PLA2G2C: variants seen among roughly 807,000 people sequenced by gnomAD.
PLA2G2C encodes the protein phospholipase A2 group IIC.
A neutral mutation model predicts 14.3 loss-of-function variants in PLA2G2C; 15 were observed. The observed-to-expected ratio is 1.05, with a 90% CI of 0.70 to 1.62. PLA2G2C has a LOEUF of 1.62. Ranked by LOEUF, PLA2G2C falls within the 40% of genes most tolerant of loss-of-function variation. The probability of loss-of-function intolerance (pLI) is 0.00; values close to 1 mark genes in which losing one functional copy is unlikely to be tolerated. For missense variants in PLA2G2C, 162 were observed against 173.2 expected (o/e 0.94, Z 0.36); for synonymous variants, 79 against 67.7 (o/e 1.17, Z -0.82).
intron 4 of PLA2G2C, among the ~76,000 whole-genome samples, chr1:20,168,764 C>T (rs932195535): frequency 2.0e-5 from 3 of 152,222 alleles, no homozygotes; most frequent in African/African-American, 7.2e-5. Flanking sequence ...CTGTACCACA[C>T]ATGTATGTGC....
chr1:20,179,268 CTA>C, intron 1 of PLA2G2C, among the ~76,000 whole-genome samples: 1 of 151,602 alleles, frequency 6.6e-6, no homozygotes, highest in East Asian at 2.0e-4. Context: ...GCTTCTCCCT[CTA>C]TGTCAGTTTC....
intron 4 of PLA2G2C, among the ~76,000 whole-genome samples, chr1:20,169,890 T>C (rs976354788): frequency 1.3e-5 from 2 of 152,200 alleles, no homozygotes; most frequent in African/African-American, 4.8e-5. Flanking sequence ...CCCTCTTTCC[T>C]TCCCTGGGCC....
intron 3 of PLA2G2C, among the ~76,000 whole-genome samples, chr1:20,173,701 G>A (rs2018130653): frequency 1.3e-5 from 2 of 152,206 alleles, no homozygotes; most frequent in Admixed American, 6.5e-5. Flanking sequence ...TGGAGCATGG[G>A]CTCAGTCCAT....
chr1:20,172,220 A>G (rs1404166040), intron 4 of PLA2G2C, among the ~76,000 whole-genome samples: 3 of 152,020 alleles, frequency 2.0e-5, no homozygotes, highest in Non-Finnish European at 4.4e-5. Flanking sequence ...GCACATACCC[A>G]TACCCTACCA....
At chr1:20,169,867 A>G (rs2018040895) in intron 4 of PLA2G2C, among the ~76,000 whole-genome samples, 1 of 152,236 alleles carries the variant, frequency 6.6e-6, no homozygotes, top group South Asian at 2.1e-4. Context: ...ACAGCGAAGC[A>G]AACTCCATCT....
intron 1 of PLA2G2C, among the ~76,000 whole-genome samples, chr1:20,180,097 G>C (rs1180280339): frequency 6.6e-6 from 1 of 151,896 alleles, no homozygotes; most frequent in Non-Finnish European, 1.5e-5. Context: ...TCTCCCTTGT[G>C]TGTTAGCTTC....
chr1:20,172,689 CTTGGAAGCAT>C, intron 4 of PLA2G2C, 95 bp downstream of exon 4: 1 of 1,016,968 alleles, frequency 9.8e-7, no homozygotes, highest in Non-Finnish European at 1.4e-6. Flanking sequence ...CTTCCAAGCA[CTTGGAAGCAT>C]TTCATTTTCT....
At chr1:20,171,425 G>C (rs1473260502) in intron 4 of PLA2G2C, among the ~76,000 whole-genome samples, 1 of 152,198 alleles carries the variant, frequency 6.6e-6, no homozygotes, top group African/African-American at 2.4e-5. Context: ...TCCCGGTGCA[G>C]GGGTCCGAGC....
At chr1:20,179,735 AGTGTGTGTGT>A (rs3035013) in intron 1 of PLA2G2C, among the ~76,000 whole-genome samples, 9 of 111,574 alleles carry the variant, frequency 8.1e-5, no homozygotes, top group East Asian at 2.6e-4. Flanking sequence ...CCTCTATGTC[AGTGTGTGTGT>A]GTGTGTGTGT....
At position 20,175,106 on chromosome 1, in the gene PLA2G2C, A is replaced by G. The variant is rs1275169378; in HGVS notation, c.80T>C (p.Val27Ala). 2 of 1,613,674 alleles carry G rather than the reference A, an allele frequency of 1.2e-6. No individual in the cohort carries two copies. The highest frequency in any genetic ancestry group is 2.2e-5 in the East Asian group (1 of 44,868). The change falls in exon 3 of 5, where the codon GTC becomes GCC. Residue 27 changes from valine to alanine, a missense_variant. Val to Ala is a moderately conservative substitution (Grantham distance 64). Coordinates refer to ENST00000679259, the MANE Select transcript of PLA2G2C (RefSeq NM_001367969.2). ...HSSFWQFQRRVKHITGRSAFF... is the reference protein window; with the variant it reads ...HSSFWQFQRRAKHITGRSAFF... The stretch of plus-strand genomic sequence containing the variant: ...GGCACTTCGCCCCGTGATGTGTTTG[A>G]CCCTCCTCTGAAACTGCCAGAAACT...
chr1:20,166,192 T>C (rs2017976075), intron 4 of PLA2G2C, among the ~76,000 whole-genome samples: 1 of 152,228 alleles, frequency 6.6e-6, no homozygotes. Flanking sequence ...CAGAGCTGCC[T>C]GCAGTCAGTC....
rs6426616 is a variant in PLA2G2C, at chr1:20,164,025, T to C, written c.416A>G (p.Gln139Arg). 0.6 allele frequency: 966,767 copies of C among 1,612,158 alleles called. 292,653 individuals are homozygous for C. Among genetic ancestry groups the C allele is most frequent in the African/African-American group, 0.72 (54,194 of 74,966 alleles). ...YEKNFKQFSS[Q>R]PRCGRHKPWC ...GGGCTTATGTCTGCCACACCTGGGC[T>C]GGCTGGAGAACTGCTTGAAGTTTTT... The change falls in exon 5 of 5, where the codon CAG becomes CGG. Residue 139 changes from glutamine (Q) to arginine (R), a missense_variant. By Grantham distance (43) the Gln-to-Arg change is conservative (BLOSUM62 1). Coordinates refer to ENST00000679259, the MANE Select transcript of PLA2G2C (RefSeq NM_001367969.2).
chr1:20,181,110 T>A (rs1472398793), intron 1 of PLA2G2C, among the ~76,000 whole-genome samples: 1 of 152,188 alleles, frequency 6.6e-6, no homozygotes, highest in Non-Finnish European at 1.5e-5. Context: ...TTCTGAGCAC[T>A]TTACATATAT....
intron 1 of PLA2G2C, among the ~76,000 whole-genome samples, chr1:20,183,196 C>G (rs150969989): frequency 6.6e-6 from 1 of 152,234 alleles, no homozygotes; most frequent in East Asian, 1.9e-4. Context: ...GCACAACAAT[C>G]CTGTGCTTAT....
chr1:20,178,469 G>A (rs1569937040), intron 1 of PLA2G2C, among the ~76,000 whole-genome samples: 1 of 152,214 alleles, frequency 6.6e-6, no homozygotes, highest in East Asian at 1.9e-4. Flanking sequence ...TAATCAGGGT[G>A]TCTTTGCTAT....
Position 20,163,951 on chromosome 1 carries a change from A to C in PLA2G2C, c.*40T>G, listed in dbSNP as rs368778938. ...GAAGGCTTCCTGGAAGAGCAACACT[A>C]GAGCGGATGCTGGATGATGAGAGGG... On this transcript the variant is annotated 3_prime_UTR_variant, in exon 5 of 5. Transcript: ENST00000679259. 1.4e-3 allele frequency: 2,184 copies of C among 1,586,054 alleles called. 3 individuals carry two copies. Among genetic ancestry groups the C allele is most frequent in the Middle Eastern group, 1.8e-3 (11 of 5,960 alleles).
In PLA2G2C at chr1:20,172,829, C is replaced by T. The variant is rs1428731260; in HGVS notation, c.248G>A (p.Ser83Asn). 6.2e-7 allele frequency: 1 copy of T among 1,613,898 alleles called. No homozygotes were observed. ...KEFSCQPVLNSYQFHIVNGAV... is the reference protein window; with the variant it reads ...KEFSCQPVLNNYQFHIVNGAV... ...GCCATTGACGATGTGGAACTGGTAG[C>T]TGTTCAACACAGGCTGGCAGCTGAA... The change falls in exon 4 of 5, where the codon AGC becomes AAC. Residue 83 changes from serine (S) to asparagine (N), a missense_variant. Ser to Asn is a conservative substitution (Grantham distance 46, BLOSUM62 1). Coordinates refer to ENST00000679259, the MANE Select transcript of PLA2G2C (RefSeq NM_001367969.2).
chr1:20,179,990 T>C (rs1279094626), intron 1 of PLA2G2C, among the ~76,000 whole-genome samples: 3 of 151,070 alleles, frequency 2.0e-5, no homozygotes, highest in Non-Finnish European at 4.4e-5. Context: ...GTGTGTGTGT[T>C]AGCTTCTCCC....
At chr1:20,181,459 A>G (rs921236180) in intron 1 of PLA2G2C, among the ~76,000 whole-genome samples, 1 of 151,878 alleles carries the variant, frequency 6.6e-6, no homozygotes, top group African/African-American at 2.4e-5. Flanking sequence ...TGCCCTGCAA[A>G]CTGAGAGGTC....
Sources: allele counts gnomAD v4.1 joint callset (sites outside exome capture counted in the v4.1 genomes callset), GRCh38; gene constraint gnomAD v4.1.1; transcripts MANE v1.5; gene names NCBI Gene and HGNC (gene_info 2026-07-23, HGNC 2026-07-21).